PLXNA2: variants seen among roughly 807,000 people sequenced by gnomAD.
The protein encoded by PLXNA2 is plexin-A2.
Under a neutral mutation model 193.5 loss-of-function variants are expected in PLXNA2, and 91 were observed. The ratio of observed to expected loss-of-function variants is 0.47; its 90% confidence interval spans 0.40 to 0.56. The LOEUF is 0.56. Ranked by LOEUF, PLXNA2 falls within the 20% of genes least tolerant of loss-of-function variation. The pLI is 0.00. For missense variants in PLXNA2, 1,995 were observed against 2,503.2 expected (o/e 0.80, Z 4.33); for synonymous variants, 997 against 1,027.3 (o/e 0.97, Z 0.56).
At chr1:208,030,744 G>C in intron 29 of PLXNA2, 11 of 985,418 alleles carry the variant, frequency 1.1e-5, no homozygotes, top group Non-Finnish European at 1.3e-5. Context: ...TGCGTGGGCT[G>C]CCTGCCCAAC....
At chr1:208,101,772 G>A (rs1667104284) in intron 5 of PLXNA2, among the ~76,000 whole-genome samples, 1 of 152,232 alleles carries the variant, frequency 6.6e-6, no homozygotes, top group African/African-American at 2.4e-5. Flanking sequence ...CACAGGCACT[G>A]AAGCTGGGAG....
chr1:208,033,642 G>C lies in PLXNA2; in HGVS notation c.4865-133C>G, dbSNP rs746539601. 366 of 647,110 alleles carry C rather than the reference G, an allele frequency of 5.7e-4. 1 individual carries two copies. Among genetic ancestry groups the C allele is most frequent in the Non-Finnish European group, 8.3e-4 (334 of 401,196 alleles). 40.1% of individuals were successfully genotyped at this position (647,110 alleles called of 1,614,324 possible). On this transcript the variant is annotated intron_variant, in intron 27 of 31. Coordinates refer to ENST00000367033, the MANE Select transcript of PLXNA2 (RefSeq NM_025179.4). Reference sequence around the variant, plus strand: ...ATTTCAGCTGAAAGGGGACCGTTGGGACCTCATATATGGTAGGTTATTTTA... The same window carrying C: ...ATTTCAGCTGAAAGGGGACCGTTGGCACCTCATATATGGTAGGTTATTTTA...
rs571820869 is a variant in PLXNA2, at chr1:208,046,174, G to T, written c.3256-57C>A. On this transcript the variant is annotated intron_variant, in intron 17 of 31. Transcript: ENST00000367033. ...GGAGTGCCTGGCACAGAGCCCAGGG[G>T]CCCACAGCCGCTCTCCCACCCTCTC... is the stretch of plus-strand genomic sequence containing the variant. 40 of 1,552,444 alleles carry T rather than the reference G, an allele frequency of 2.6e-5. No individual in the cohort carries two copies. In the South Asian group the frequency reaches 4.2e-4, roughly 16 times the overall value.
At chr1:208,206,714 C>T (rs1269438956) in intron 3 of PLXNA2, among the ~76,000 whole-genome samples, 2 of 149,822 alleles carry the variant, frequency 1.3e-5, no homozygotes, top group East Asian at 3.9e-4. Context: ...TGCATGTCTT[C>T]TTATCACCTG....
At chr1:208,083,072 C>T (rs1666398716) in intron 10 of PLXNA2, among the ~76,000 whole-genome samples, 1 of 152,188 alleles carries the variant, frequency 6.6e-6, no homozygotes, top group South Asian at 2.1e-4. Context: ...TCTTGTAAGG[C>T]CGAGAGTCTC....
intron 1 of PLXNA2, among the ~76,000 whole-genome samples, chr1:208,240,844 G>A (rs150957525): frequency 7.2e-5 from 11 of 152,088 alleles, no homozygotes; most frequent in African/African-American, 2.4e-4. Context: ...GCCTCAGTTC[G>A]TGTGTGTGGA....
In PLXNA2 at chr1:208,217,467, G is replaced by A; in HGVS notation, c.456C>T (p.Ser152=). ...LDDLFILVEP[S]HKKEHYLSSV... ...TGGACAGGTAGTGCTCCTTCTTGTGGGATGGCTCCACCAGGATGAAGAGGT... is the reference window on the plus strand; with the variant it reads ...TGGACAGGTAGTGCTCCTTCTTGTGAGATGGCTCCACCAGGATGAAGAGGT... Residue 152 remains serine, a synonymous_variant, in exon 2 of 32, where the codon TCC becomes TCT. Transcript: ENST00000367033. The surrounding 1 kb of genome is among the most constrained non-coding windows in gnomAD (Gnocchi z 4.7). 6.2e-7 allele frequency: 1 copy of A among 1,614,176 alleles called. No individual in the cohort carries two copies.
intron 3 of PLXNA2, among the ~76,000 whole-genome samples, chr1:208,147,750 C>A (rs1212896642): frequency 6.6e-6 from 1 of 152,164 alleles, no homozygotes; most frequent in East Asian, 1.9e-4. Flanking sequence ...GAAGAGGGGG[C>A]TAATAATGGG....
intron 4 of PLXNA2, among the ~76,000 whole-genome samples, chr1:208,127,031 C>T (rs1050292243): frequency 1.3e-5 from 2 of 152,216 alleles, no homozygotes; most frequent in African/African-American, 2.4e-5. Context: ...AAAATTGATG[C>T]TGACAGCAAG....
intron 8 of PLXNA2, among the ~76,000 whole-genome samples, chr1:208,093,345 A>C (rs990997569): frequency 2.6e-5 from 4 of 152,220 alleles, no homozygotes; most frequent in African/African-American, 9.6e-5. Context: ...GGTAGCCGGC[A>C]GAGTACAGGG....
chr1:208,054,117 C>T (rs546376861), intron 14 of PLXNA2, among the ~76,000 whole-genome samples: 5 of 152,276 alleles, frequency 3.3e-5, no homozygotes, highest in East Asian at 3.9e-4. Context: ...AGTTCCTCCC[C>T]GCCCCCAGTC....
intron 3 of PLXNA2, among the ~76,000 whole-genome samples, chr1:208,145,113 A>G (rs1668566515): frequency 6.6e-6 from 1 of 152,218 alleles, no homozygotes; most frequent in South Asian, 2.1e-4. Flanking sequence ...TTCTTGGGCT[A>G]TTGCAAGAGG....
At chr1:208,057,511 C>T (rs1250788476) in intron 13 of PLXNA2, among the ~76,000 whole-genome samples, 1 of 152,162 alleles carries the variant, frequency 6.6e-6, no homozygotes, top group Non-Finnish European at 1.5e-5. Flanking sequence ...AACCACTTGT[C>T]CCCTCTACCT....
chr1:208,209,857 T>C (rs1670868602), intron 3 of PLXNA2: 1 of 216,656 alleles, frequency 4.6e-6, no homozygotes, highest in African/African-American at 2.4e-5. Flanking sequence ...TTCAACCAAC[T>C]TCTCTGAATT....
In PLXNA2 at chr1:208,198,755, C is replaced by T. The variant is rs145782217; in HGVS notation, c.1371+11525G>A. On this transcript the variant is annotated intron_variant, in intron 3 of 31. Coordinates refer to ENST00000367033, the MANE Select transcript of PLXNA2 (RefSeq NM_025179.4). ...TCCATCAGGCAAGTGGTAGTCTACACGTGGACATATGGAAGCGTAGAGAAG... is the reference window on the plus strand; with the variant it reads ...TCCATCAGGCAAGTGGTAGTCTACATGTGGACATATGGAAGCGTAGAGAAG... Among the ~76,000 whole-genome samples, 18 of 152,260 alleles carry T rather than the reference C, an allele frequency of 1.2e-4. No individual in the cohort carries two copies. In the East Asian group the frequency reaches 1.4e-3, roughly 11 times the overall value.
Position 208,163,227 on chromosome 1 carries a change from A to T in PLXNA2, c.1372-20764T>A, listed in dbSNP as rs1358167644. Reference sequence around the variant, plus strand: ...GGGATAAACTGTTTCTGGTGGAGGGATGCCAAGACCTTGCTCAAGAGACTC... The same window carrying T: ...GGGATAAACTGTTTCTGGTGGAGGGTTGCCAAGACCTTGCTCAAGAGACTC... On this transcript the variant is annotated intron_variant, in intron 3 of 31. Transcript: ENST00000367033. Among the ~76,000 whole-genome samples, 3 of 151,994 alleles carry T rather than the reference A, an allele frequency of 2.0e-5. No homozygotes were observed. In the South Asian group the frequency reaches 6.2e-4, roughly 32 times the overall value.
chr1:208,139,380 A>T (rs1668401531), intron 4 of PLXNA2, among the ~76,000 whole-genome samples: 2 of 152,124 alleles, frequency 1.3e-5, no homozygotes, highest in African/African-American at 2.4e-5. Flanking sequence ...CCCCCTCTTC[A>T]TCACACACCA....
At chr1:208,207,520 C>T (rs529696604) in intron 3 of PLXNA2, among the ~76,000 whole-genome samples, 1 of 152,344 alleles carries the variant, frequency 6.6e-6, no homozygotes, top group South Asian at 2.1e-4. Context: ...ACAGGGACAT[C>T]CTGTTCCTAC....
At chr1:208,120,653 C>T (rs1384471172) in intron 4 of PLXNA2, among the ~76,000 whole-genome samples, 1 of 152,106 alleles carries the variant, frequency 6.6e-6, no homozygotes, top group African/African-American at 2.4e-5. Flanking sequence ...AGCCAGATGC[C>T]TTTATGTAGT....
Sources: gnomAD v4.1 joint callset for allele counts (sites outside exome capture counted in the v4.1 genomes callset) on GRCh38, gnomAD v4.1.1 for gene constraint, Gnocchi (gnomAD v3.1) non-coding constraint, MANE v1.5 for transcripts, NCBI Gene and HGNC (gene_info 2026-07-23, HGNC 2026-07-21) for gene names.